TRPV1: variants seen among roughly 807,000 people sequenced by gnomAD.
TRPV1 encodes transient receptor potential cation channel subfamily V member 1, also known as OTRPC1.
Under a neutral mutation model 82.3 loss-of-function variants are expected in TRPV1, and 82 were observed. The observed-to-expected ratio is 1.00, with a 90% CI of 0.83 to 1.20. TRPV1 has a LOEUF of 1.20. TRPV1 is among the 50% of genes most tolerant of loss of function. The pLI is 0.00. For synonymous variants in TRPV1, 515 were observed against 467.7 expected (o/e 1.10, Z -1.30); for missense variants, 1,067 against 1,096.8 (o/e 0.97, Z 0.38).
chr17:3,600,413 C>A (rs905550206), intron 2 of TRPV1, among the ~76,000 whole-genome samples: 1 of 152,136 alleles, frequency 6.6e-6, no homozygotes, highest in African/African-American at 2.4e-5. Flanking sequence ...CATAGTGGAA[C>A]CTTGTCTCTA....
chr17:3,581,913 A>C (rs224527), intron 10 of TRPV1, among the ~76,000 whole-genome samples: 1 of 137,476 alleles, frequency 7.3e-6, no homozygotes, highest in African/African-American at 2.6e-5. Context: ...CAATGGGGCC[A>C]GGCACAGTGG....
At chr17:3,581,737 T>G (rs2075014669) in intron 10 of TRPV1, among the ~76,000 whole-genome samples, 1 of 144,606 alleles carries the variant, frequency 6.9e-6, no homozygotes, top group Admixed American at 7.1e-5. Context: ...ATACAAAAAT[T>G]AGCCGGGCGC....
intron 13 of TRPV1, among the ~76,000 whole-genome samples, chr17:3,576,372 GCCAGGTGCAGTGGCTCATGCCTGTAATC>G (rs2074928212): frequency 6.6e-6 from 1 of 151,936 alleles, no homozygotes; most frequent in African/African-American, 2.4e-5. Flanking sequence ...ATAACAACTA[GCCAGGTGCAGTGGCTCATGCCTGTAATC>G]CCAGCACTTT....
At chr17:3,588,813 TAAAAAA>T in intron 7 of TRPV1, 16 of 903,002 alleles carry the variant, frequency 1.8e-5, no homozygotes, top group Admixed American at 3.0e-5. Context: ...AAACCTCATC[TAAAAAA>T]AAAAAAAAAA....
intron 2 of TRPV1, among the ~76,000 whole-genome samples, chr17:3,596,515 C>T (rs190574149): frequency 3.3e-5 from 5 of 152,340 alleles, no homozygotes; most frequent in Non-Finnish European, 7.3e-5. Flanking sequence ...GCCTGCTTCC[C>T]AGCCCTGCGC....
Position 3,571,545 on chromosome 17 carries a change from A to G in TRPV1, c.2326T>C (p.Phe776Leu), listed in dbSNP as rs2074853812. The G allele has an allele frequency of 6.2e-7, 1 of 1,608,332 alleles. No individual in the cohort carries two copies. Residue 776 changes from phenylalanine to leucine, a missense_variant, in exon 16 of 17, where the codon TTC (phenylalanine) becomes CTC (leucine). Coordinates refer to ENST00000572705, the MANE Select transcript of TRPV1 (RefSeq NM_080704.4). ...TCACCTCTGCTTGACCGCAGGGAGA[A>G]GCTCAGGGTGCGCTTGACGCCCTCA... ...NCEGVKRTLS[F>L]SLRSSRVSGR...
At chr17:3,578,142 A>G (rs1185599932) in intron 11 of TRPV1, 3 of 165,172 alleles carry the variant, frequency 1.8e-5, no homozygotes, top group African/African-American at 7.2e-5. Flanking sequence ...ACCTCTACTA[A>G]AAATACAAAA....
intron 13 of TRPV1, among the ~76,000 whole-genome samples, chr17:3,576,643 C>T (rs1181342031): frequency 1.4e-5 from 1 of 72,360 alleles, no homozygotes; most frequent in Admixed American, 2.0e-4. Context: ...GAGAGCTAGA[C>T]TCTGTATGAG....
At chr17:3,574,533 G>A (rs1369784203) in intron 13 of TRPV1, among the ~76,000 whole-genome samples, 1 of 152,206 alleles carries the variant, frequency 6.6e-6, no homozygotes, top group African/African-American at 2.4e-5. Flanking sequence ...AGTCACAGGT[G>A]CCCATCCCTC....
In TRPV1 at chr17:3,599,632, C is replaced by CT. The variant is rs34701684; in HGVS notation, c.-33-7250dup. On this transcript the variant is annotated intron_variant, in intron 2 of 16. Coordinates refer to ENST00000572705, the MANE Select transcript of TRPV1 (RefSeq NM_080704.4). ...TAAGAGAATTTCCTTTTTTTCTTTT[C>CT]TTTTTTTTTTTTTCGAGATGAAGTC... 7.6e-4 allele frequency among the ~76,000 whole-genome samples: 107 copies of CT among 141,488 alleles called. 1 individual carries two copies. The highest frequency in any genetic ancestry group is 8.7e-4 in the Non-Finnish European group (57 of 65,392). 92.8% of individuals were successfully genotyped at this position (141,488 alleles called of 152,430 possible). A position where few individuals can be genotyped will look rare whatever the true frequency, so the allele number is the denominator to read the frequency against.
intron 2 of TRPV1, among the ~76,000 whole-genome samples, chr17:3,602,802 T>A (rs1028962286): frequency 1.3e-5 from 2 of 152,212 alleles, no homozygotes; most frequent in African/African-American, 4.8e-5. Context: ...AAATTTCTTT[T>A]CTTCACTCAC....
intron 10 of TRPV1, 125 bp from the exon 11 acceptor site, chr17:3,580,652 A>C (rs1198210461): frequency 1.1e-5 from 11 of 1,012,428 alleles, no homozygotes; most frequent in Non-Finnish European, 1.4e-5. Context: ...CAGATTGTGA[A>C]AAGAGCAGAA....
At position 3,566,786 on chromosome 17, in the gene TRPV1, G is replaced by A. The variant is rs200614949; in HGVS notation, c.*29C>T. On this transcript the variant is annotated 3_prime_UTR_variant, in exon 17 of 17. Transcript: ENST00000572705. ...TGGCAACGGGGTCTCCTAAGGCCCA[G>A]TGTTGACAGTGCTGTCTGCGTGACG... 6.2e-7 allele frequency: 1 copy of A among 1,609,496 alleles called. No homozygotes were observed. Among genetic ancestry groups the A allele is most frequent in the Non-Finnish European group, 8.5e-7 (1 of 1,177,704 alleles).
intron 2 of TRPV1, among the ~76,000 whole-genome samples, chr17:3,594,837 G>A (rs2075203884): frequency 6.6e-6 from 1 of 152,154 alleles, no homozygotes; most frequent in South Asian, 2.1e-4. Flanking sequence ...CATGGCAGTT[G>A]GTGATGGATG....
chr17:3,594,167 A>AGCAGCAGCAGCAGCAGCT (rs2075197036), intron 2 of TRPV1, among the ~76,000 whole-genome samples: 1 of 145,736 alleles, frequency 6.9e-6, no homozygotes, highest in Non-Finnish European at 1.5e-5. Flanking sequence ...CAGCAGCAGC[A>AGCAGCAGCAGCAGCAGCT]GCAGCAGCAG....
At position 3,573,928 on chromosome 17, in the gene TRPV1, T is replaced by C; in HGVS notation, c.1808A>G (p.Lys603Arg). Residue 603 changes from lysine to arginine, a missense_variant, in exon 14 of 17, where the codon AAG becomes AGG. Physicochemically the swap from Lys to Arg is conservative, Grantham distance 26 (BLOSUM62 2). Coordinates refer to ENST00000572705, the MANE Select transcript of TRPV1 (RefSeq NM_080704.4). ...GGACTCAGACGGCAGGGAGTCATTC[T>C]TCCCGTCTTCAATCAGCGTCACCAC... The part of the protein sequence containing the change: ...TAVVTLIEDG[K>R]NDSLPSESTS... 1.2e-6 allele frequency: 2 copies of C among 1,605,384 alleles called. No individual in the cohort carries two copies. The highest frequency in any genetic ancestry group is 2.2e-5 in the East Asian group (1 of 44,784).
intron 13 of TRPV1, among the ~76,000 whole-genome samples, chr17:3,576,277 G>A (rs2074927057): frequency 6.6e-6 from 1 of 151,924 alleles, no homozygotes; most frequent in Non-Finnish European, 1.5e-5. Flanking sequence ...CAGCACTTTG[G>A]GAGGCCAAGG....
chr17:3,589,055 GT>G, intron 7 of TRPV1: 6 of 1,266,492 alleles, frequency 4.7e-6, no homozygotes, highest in Non-Finnish European at 6.6e-6. Context: ...GGAGGCTGAG[GT>G]GGAAGGATCA....
At chr17:3,569,014 A>G (rs1223415231) in intron 16 of TRPV1, among the ~76,000 whole-genome samples, 2 of 152,274 alleles carry the variant, frequency 1.3e-5, no homozygotes, top group Middle Eastern at 3.4e-3. Context: ...AACTATTGCA[A>G]GGACAAAAAA....
Sources: allele counts gnomAD v4.1 joint callset (sites outside exome capture counted in the v4.1 genomes callset), GRCh38; gene constraint gnomAD v4.1.1; transcripts MANE v1.5; gene names NCBI Gene and HGNC (gene_info 2026-07-23, HGNC 2026-07-21).